Variants in ADAMTS17 observed in about 807,000 individuals in gnomAD.
ADAMTS17 encodes ADAM metallopeptidase with thrombospondin type 1 motif 17.
ADAMTS17 carries 113 observed loss-of-function variants against 141.5 expected under a neutral mutation model. The ratio of observed to expected loss-of-function variants is 0.80; its 90% CI spans 0.69 to 0.93. ADAMTS17 has a LOEUF of 0.93. Ranked by LOEUF, ADAMTS17 falls within the 40% of genes least tolerant of loss-of-function variation. The pLI, the probability that ADAMTS17 is intolerant of heterozygous loss-of-function variation, is 0.00. For missense variants in ADAMTS17, 1,659 were observed against 1,517.9 expected (o/e 1.09, Z -1.54); for synonymous variants, 768 against 630.6 (o/e 1.22, Z -3.27).
At chr15:100,000,709 C>T (rs573813908) in intron 18 of ADAMTS17, among the ~76,000 whole-genome samples, 1 of 151,850 alleles carries the variant, frequency 6.6e-6, no homozygotes, top group Admixed American at 6.6e-5. Context: ...AGACGGGTTT[C>T]ACCATGTTGG....
intron 8 of ADAMTS17, among the ~76,000 whole-genome samples, chr15:100,195,016 C>T (rs372839338): frequency 6.6e-6 from 1 of 152,256 alleles, no homozygotes; most frequent in South Asian, 2.1e-4. Context: ...AGGGACACAG[C>T]TGCCTTCCTC....
intron 4 of ADAMTS17, among the ~76,000 whole-genome samples, chr15:100,280,439 A>G (rs1304640892): frequency 1.3e-5 from 2 of 151,994 alleles, no homozygotes; most frequent in East Asian, 3.9e-4. Context: ...ACTGCTTCCC[A>G]TTCCAATCCA....
At chr15:100,099,046 C>A (rs1385600448) in intron 14 of ADAMTS17, among the ~76,000 whole-genome samples, 1 of 152,216 alleles carries the variant, frequency 6.6e-6, no homozygotes, top group East Asian at 1.9e-4. Context: ...GTTAAGGTTT[C>A]CTGATTCAAC....
intron 3 of ADAMTS17, among the ~76,000 whole-genome samples, chr15:100,282,158 C>T (rs1052418800): frequency 6.6e-6 from 1 of 152,164 alleles, no homozygotes; most frequent in African/African-American, 2.4e-5. Context: ...CATCTCTGAC[C>T]AACACAACAG....
At chr15:100,327,957 C>T (rs2045944726) in intron 3 of ADAMTS17, among the ~76,000 whole-genome samples, 1 of 152,208 alleles carries the variant, frequency 6.6e-6, no homozygotes, top group South Asian at 2.1e-4. Flanking sequence ...CTACTCAGCA[C>T]AGCGGCTCAC....
At chr15:100,062,096 T>C (rs1480959) in intron 15 of ADAMTS17, among the ~76,000 whole-genome samples, 2 of 150,960 alleles carry the variant, frequency 1.3e-5, no homozygotes, top group Admixed American at 1.3e-4. Flanking sequence ...CATTTTTAAG[T>C]GTTGTTCTAT....
At chr15:100,056,946 G>A (rs61580791) in intron 15 of ADAMTS17, among the ~76,000 whole-genome samples, 2,349 of 152,156 alleles carry the variant, frequency 0.015, 62 homozygotes, top group African/African-American at 0.052. Flanking sequence ...GTTGTGGGAC[G>A]GGGCAGATGG....
At chr15:100,108,949 C>A (rs1396647941) in intron 14 of ADAMTS17, 40 bp downstream of exon 14, 1 of 1,612,010 alleles carries the variant, frequency 6.2e-7, no homozygotes, top group Non-Finnish European at 8.5e-7. Flanking sequence ...TGAGTCTCCT[C>A]TCCAAAGCCC....
intron 14 of ADAMTS17, among the ~76,000 whole-genome samples, chr15:100,106,875 C>G (rs60767084): frequency 0.31 from 47,746 of 152,126 alleles, 7,636 homozygotes; most frequent in South Asian, 0.49. Flanking sequence ...TACTGCCCGA[C>G]GGGCAGGGCC....
At position 99,972,402 on chromosome 15, in the gene ADAMTS17, G is replaced by A. The variant is rs2060230089; in HGVS notation, c.*2000C>T. The A allele has an allele frequency of 6.6e-6, 1 of 152,192 alleles. No individual in the cohort carries two copies. Among genetic ancestry groups the A allele is most frequent in the South Asian group, 2.1e-4 (1 of 4,826 alleles). The allele number at this position is 152,192 out of a possible 1,614,324, so 9.4% of individuals were successfully genotyped here. Reference sequence around the variant, plus strand: ...TGCCAGGGTGACAGTGGGCATATCTGGAGGCCCCGGGGCCCATGCAGGAGA... The same window carrying A: ...TGCCAGGGTGACAGTGGGCATATCTAGAGGCCCCGGGGCCCATGCAGGAGA... On this transcript the variant is annotated 3_prime_UTR_variant, in exon 22 of 22. Coordinates refer to ENST00000268070, the MANE Select transcript of ADAMTS17 (RefSeq NM_139057.4).
At chr15:100,275,890 G>A (rs1334647843) in intron 4 of ADAMTS17, among the ~76,000 whole-genome samples, 1 of 147,158 alleles carries the variant, frequency 6.8e-6, no homozygotes, top group East Asian at 2.1e-4. Flanking sequence ...GCTCTCTGAG[G>A]CACTGTTAGG....
chr15:100,225,236 T>G (rs1269980655), intron 7 of ADAMTS17, among the ~76,000 whole-genome samples: 1 of 152,264 alleles, frequency 6.6e-6, no homozygotes, highest in Non-Finnish European at 1.5e-5. Context: ...AAAAGATCCT[T>G]TTTAATTCTT....
chr15:100,062,259 C>A (rs780539730), intron 15 of ADAMTS17, among the ~76,000 whole-genome samples: 23 of 152,130 alleles, frequency 1.5e-4, no homozygotes, highest in Non-Finnish European at 1.9e-4. Context: ...GCAGCAGAAG[C>A]ACGAGCGGCC....
chr15:100,020,952 G>T (rs1484320353), intron 18 of ADAMTS17, among the ~76,000 whole-genome samples: 3 of 152,138 alleles, frequency 2.0e-5, no homozygotes, highest in African/African-American at 7.2e-5. Context: ...TCCAGTGCTG[G>T]GAGCTTCGCT....
chr15:100,272,222 T>C (rs946211585), intron 4 of ADAMTS17, among the ~76,000 whole-genome samples: 4 of 152,198 alleles, frequency 2.6e-5, no homozygotes, highest in African/African-American at 9.6e-5. Context: ...TTAGAATGGA[T>C]TTCTCTATCT....
At chr15:99,987,570 C>A (rs557226190) in intron 20 of ADAMTS17, among the ~76,000 whole-genome samples, 3 of 152,260 alleles carry the variant, frequency 2.0e-5, no homozygotes, top group African/African-American at 7.2e-5. Context: ...ACCATGGCAC[C>A]ATCTGCAAGC....
chr15:100,085,497 A>G (rs920985566), intron 15 of ADAMTS17, among the ~76,000 whole-genome samples: 10 of 151,974 alleles, frequency 6.6e-5, no homozygotes, highest in Middle Eastern at 6.8e-3. Context: ...AGAGAACACC[A>G]CAAAGATACT....
chr15:100,188,437 G>T (rs1217963950), intron 8 of ADAMTS17, among the ~76,000 whole-genome samples: 1 of 151,644 alleles, frequency 6.6e-6, no homozygotes, highest in Non-Finnish European at 1.5e-5. Context: ...CAGGTGCTTT[G>T]GGAATTTTTA....
intron 3 of ADAMTS17, among the ~76,000 whole-genome samples, chr15:100,321,417 A>G (rs996574921): frequency 1.3e-5 from 2 of 152,242 alleles, no homozygotes; most frequent in African/African-American, 4.8e-5. Context: ...CCCAAATTTG[A>G]CATTTTTTAA....
Sources: allele counts gnomAD v4.1 joint callset (sites outside exome capture counted in the v4.1 genomes callset), GRCh38; gene constraint gnomAD v4.1.1; transcripts MANE v1.5; gene names NCBI Gene and HGNC (gene_info 2026-07-23, HGNC 2026-07-21).